The following TMLHE variants were observed in gnomAD, a reference collection of about 807,000 sequenced individuals.
TMLHE encodes the protein trimethyllysine hydroxylase, epsilon.
Under a neutral mutation model 25.7 loss-of-function variants are expected in TMLHE, and 18 were observed. That is an observed-to-expected ratio of 0.70 (90% CI 0.48 to 1.04). TMLHE has a LOEUF of 1.04. Ranked by LOEUF, TMLHE falls within the 50% of genes least tolerant of loss-of-function variation. The pLI is 0.00. For synonymous variants in TMLHE, 105 were observed against 97.0 expected (o/e 1.08, Z -0.49); for missense variants, 236 against 259.0 (o/e 0.91, Z 0.61).
intron 1 of TMLHE, among the ~76,000 whole-genome samples, chrX:155,548,518 AAGGTCAGCAGTATG>A (rs1569562083): frequency 1.8e-5 from 2 of 109,842 alleles, no homozygotes; most frequent in African/African-American, 6.8e-5. Context: ...GGCGGATCAC[AAGGTCAGCAGTATG>A]AGGCCAGCCT....
chrX:155,512,423 GT>G (rs1402328626), intron 4 of TMLHE, among the ~76,000 whole-genome samples: 1 of 106,690 alleles, frequency 9.4e-6, no homozygotes, highest in Non-Finnish European at 1.9e-5. Context: ...GCGGTGTTTG[GT>G]TTTTTGTCCT....
intron 2 of TMLHE, among the ~76,000 whole-genome samples, chrX:155,540,875 A>G (rs782717398): frequency 1.8e-5 from 2 of 111,061 alleles, no homozygotes; most frequent in Non-Finnish European, 3.8e-5. Flanking sequence ...ACATGATCTT[A>G]TATGTAGAAA....
At chrX:155,568,354 C>A (rs1228345746) in intron 1 of TMLHE, among the ~76,000 whole-genome samples, 3 of 61,716 alleles carry the variant, frequency 4.9e-5, no homozygotes, top group Admixed American at 1.9e-4. Context: ...TGGGTGGAGC[C>A]CACCACAGTT....
At chrX:155,512,538 T>G (rs1557333871) in intron 4 of TMLHE, among the ~76,000 whole-genome samples, 1 of 110,966 alleles carries the variant, frequency 9.0e-6, no homozygotes, top group East Asian at 2.8e-4. Context: ...ATGGTGTATA[T>G]GTGCCACATT....
chrX:155,549,655 T>C (rs1253451645), intron 1 of TMLHE, among the ~76,000 whole-genome samples: 1 of 110,424 alleles, frequency 9.1e-6, no homozygotes, highest in Non-Finnish European at 1.9e-5. Context: ...TGCATCTAGA[T>C]ACATGAGGAA....
intron 1 of TMLHE, among the ~76,000 whole-genome samples, chrX:155,606,645 A>T (rs1456977226): frequency 9.1e-6 from 1 of 110,055 alleles, no homozygotes; most frequent in Non-Finnish European, 1.9e-5. Context: ...ATTCAATGAT[A>T]AAAAAAATGA....
intron 1 of TMLHE, among the ~76,000 whole-genome samples, chrX:155,560,113 C>T (rs1347454222): frequency 8.9e-6 from 1 of 111,959 alleles, no homozygotes; most frequent in African/African-American, 3.2e-5. Flanking sequence ...AAGGTTTGAG[C>T]CATCTCTTTA....
At chrX:155,522,530 CT>C (rs1406487790) in intron 3 of TMLHE, among the ~76,000 whole-genome samples, 1 of 112,120 alleles carries the variant, frequency 8.9e-6, no homozygotes, top group African/African-American at 3.2e-5. Context: ...TCGTGTTACC[CT>C]TTTACAGCTA....
intron 1 of TMLHE, among the ~76,000 whole-genome samples, chrX:155,549,343 C>T (rs782323690): frequency 1.8e-5 from 2 of 110,184 alleles, no homozygotes; most frequent in African/African-American, 6.7e-5. Flanking sequence ...TGTTGTTAGC[C>T]ATGTTTTTGG....
At chrX:155,600,706 T>C (rs1557347123) in intron 1 of TMLHE, among the ~76,000 whole-genome samples, 1 of 112,190 alleles carries the variant, frequency 8.9e-6, no homozygotes, top group African/African-American at 3.2e-5. Flanking sequence ...TCCAAGTCTG[T>C]GCACATGCTC....
rs192201425 is a variant in TMLHE, at chrX:155,554,981, G to A, written c.-1-9704C>T. Among the ~76,000 whole-genome samples, 471 of 108,617 alleles carry A rather than the reference G, an allele frequency of 4.3e-3. 5 individuals are homozygous for A. The highest frequency in any genetic ancestry group is 7.6e-3 in the Non-Finnish European group (398 of 52,326). 94.3% of individuals were successfully genotyped at this position (108,617 alleles called of 115,157 possible). A position where few individuals can be genotyped will look rare whatever the true frequency, so the allele number is the denominator to read the frequency against. Reference sequence around the variant, plus strand: ...TGTGCCATGTTGGTTTGCTGCATCTGTCAACTCATCATTTACATTAGGTAT... The same window carrying A: ...TGTGCCATGTTGGTTTGCTGCATCTATCAACTCATCATTTACATTAGGTAT... On this transcript the variant is annotated intron_variant, in intron 1 of 7. Transcript: ENST00000334398.
At chrX:155,612,499 C>G (rs938333443) in intron 1 of TMLHE, 2 of 112,526 alleles carry the variant, frequency 1.8e-5, no homozygotes, top group African/African-American at 6.5e-5. Context: ...CCAACGCGAG[C>G]TTGCTCCAGC....
At chrX:155,589,531 C>T (rs2124483401) in intron 1 of TMLHE, among the ~76,000 whole-genome samples, 1 of 111,715 alleles carries the variant, frequency 9.0e-6, no homozygotes, top group South Asian at 3.8e-4. Context: ...AAGCCAGGAA[C>T]AGAAAGACAG....
At chrX:155,547,208 T>A (rs5940377) in intron 1 of TMLHE, among the ~76,000 whole-genome samples, 5 of 87,147 alleles carry the variant, frequency 5.7e-5, no homozygotes, top group Middle Eastern at 5.7e-3. Flanking sequence ...GCAGTGGCGC[T>A]ATCTCGGCTC....
intron 1 of TMLHE, among the ~76,000 whole-genome samples, chrX:155,594,560 AGTAATACAG>A (rs1392447091): frequency 2.7e-5 from 3 of 112,210 alleles, no homozygotes; most frequent in Non-Finnish European, 5.6e-5. Flanking sequence ...TAATGGTATA[AGTAATACAG>A]TTACATATAG....
intron 1 of TMLHE, among the ~76,000 whole-genome samples, chrX:155,548,088 A>G (rs889334784): frequency 2.7e-5 from 3 of 111,939 alleles, no homozygotes; most frequent in Non-Finnish European, 3.8e-5. Context: ...TATACAAAAA[A>G]TACAATCTAA....
At chrX:155,507,800 T>G (rs1349179590) in intron 5 of TMLHE, among the ~76,000 whole-genome samples, 1 of 111,353 alleles carries the variant, frequency 9.0e-6, no homozygotes, top group Non-Finnish European at 1.9e-5. Context: ...AAGAGTCCAT[T>G]ATGTTGATAG....
At chrX:155,586,109 C>G (rs1557345261) in intron 1 of TMLHE, among the ~76,000 whole-genome samples, 1 of 109,730 alleles carries the variant, frequency 9.1e-6, no homozygotes. Flanking sequence ...TGCCTGTAAT[C>G]CCAGCTACTC....
chrX:155,591,994 C>A (rs1278255136), intron 1 of TMLHE, among the ~76,000 whole-genome samples: 1 of 111,796 alleles, frequency 8.9e-6, no homozygotes, highest in Non-Finnish European at 1.9e-5. Flanking sequence ...TATGTATACA[C>A]AATGGGATAC....
Sources: allele counts gnomAD v4.1 joint callset (sites outside exome capture counted in the v4.1 genomes callset), GRCh38; gene constraint gnomAD v4.1.1; transcripts MANE v1.5; gene names NCBI Gene and HGNC (gene_info 2026-07-23, HGNC 2026-07-21).